Variants in PTCHD4 observed in about 807,000 individuals in gnomAD.
PTCHD4 encodes the protein patched domain-containing protein 4.
A neutral mutation model predicts 58.1 loss-of-function variants in PTCHD4; 33 were observed. That is an observed-to-expected ratio of 0.57 (90% CI 0.43 to 0.76). The LOEUF (loss-of-function observed/expected upper bound fraction) is 0.76. Among genes scored for constraint, PTCHD4 ranks in the 30% least tolerant of loss-of-function variants. The probability of loss-of-function intolerance (pLI) is 0.00; values close to 1 mark genes in which losing one functional copy is unlikely to be tolerated. For synonymous variants in PTCHD4, 478 were observed against 409.6 expected (o/e 1.17, Z -2.02); for missense variants, 1,058 against 1,027.1 (o/e 1.03, Z -0.41).
intron 3 of PTCHD4, among the ~76,000 whole-genome samples, chr6:48,022,127 A>G (rs903730976): frequency 2.0e-5 from 3 of 151,934 alleles, no homozygotes; most frequent in Non-Finnish European, 4.4e-5. Context: ...TTGTCCTACT[A>G]TGTGAAAAAT....
At chr6:47,973,261 G>T (rs1364579496) in intron 4 of PTCHD4, among the ~76,000 whole-genome samples, 4 of 152,118 alleles carry the variant, frequency 2.6e-5, no homozygotes, top group East Asian at 1.9e-4. Flanking sequence ...CCTTTAAGAA[G>T]AATTATTGTG....
At chr6:48,086,562 T>A (rs1765269754) in intron 1 of PTCHD4, among the ~76,000 whole-genome samples, 1 of 151,924 alleles carries the variant, frequency 6.6e-6, no homozygotes, top group South Asian at 2.1e-4. Flanking sequence ...GAACAGGGAT[T>A]GTGGAGGCAA....
Position 47,877,970 on chromosome 6 carries a change from A to G in PTCHD4, c.*333T>C, listed in dbSNP as rs965819273. On this transcript the variant is annotated 3_prime_UTR_variant, in exon 5 of 5. Transcript: ENST00000339488. Reference sequence around the variant, plus strand: ...GAAGGACACCTTTCCTTGCTTCTCCATCACTCCTAAGCATTTTATTTTTAA... The same window carrying G: ...GAAGGACACCTTTCCTTGCTTCTCCGTCACTCCTAAGCATTTTATTTTTAA... 4.4e-5 allele frequency: 8 copies of G among 180,050 alleles called. No individual in the cohort carries two copies. Among genetic ancestry groups the G allele is most frequent in the Non-Finnish European group, 8.0e-5 (7 of 87,076 alleles). The allele number at this position is 180,050 out of a possible 1,614,324, so 11.2% of individuals were successfully genotyped here.
chr6:47,938,351 T>G (rs1766088750), intron 4 of PTCHD4, among the ~76,000 whole-genome samples: 1 of 152,160 alleles, frequency 6.6e-6, no homozygotes, highest in Admixed American at 6.5e-5. Flanking sequence ...TTTCAGATGA[T>G]TCCAATGTTG....
chr6:47,871,860 C>T lies in PTCHD4; in HGVS notation c.*6443G>A, dbSNP rs1239114140. 6.6e-6 allele frequency among the ~76,000 whole-genome samples: 1 copy of T among 151,534 alleles called. No homozygotes were observed. Among genetic ancestry groups the T allele is most frequent in the Non-Finnish European group, 1.5e-5 (1 of 67,720 alleles). On this transcript the variant is annotated 3_prime_UTR_variant, in exon 5 of 5. Coordinates refer to ENST00000339488, the MANE Select transcript of PTCHD4 (RefSeq NM_001384253.1). ...ACAGGAAAGTATAATAAAGTTGTTGCTTAAACTACTAAAACTTTGGGATAT... is the reference window on the plus strand; with the variant it reads ...ACAGGAAAGTATAATAAAGTTGTTGTTTAAACTACTAAAACTTTGGGATAT...
chr6:47,878,645 A>C lies in PTCHD4; in HGVS notation c.2190T>G (p.Leu730=). Reference sequence around the variant, plus strand: ...GCTCAGTTGCTAATACAAATGTGAAAAGCAGTGGTGCACAGTGGTCAATGG... The same window carrying C: ...GCTCAGTTGCTAATACAAATGTGAACAGCAGTGGTGCACAGTGGTCAATGG... ...NFAIDHCAPL[L]FTFVLATEHT... is the part of the protein sequence containing the mutation. The change falls in exon 5 of 5, where the codon CTT becomes CTG. Residue 730 remains leucine, a synonymous_variant. Coordinates refer to ENST00000339488, the MANE Select transcript of PTCHD4 (RefSeq NM_001384253.1). 6.2e-7 allele frequency: 1 copy of C among 1,613,672 alleles called. No individual in the cohort carries two copies. The highest frequency in any genetic ancestry group is 8.5e-7 in the Non-Finnish European group (1 of 1,179,776).
chr6:47,901,461 T>C, intron 4 of PTCHD4: 1 of 981,752 alleles, frequency 1.0e-6, no homozygotes, highest in South Asian at 4.7e-5. Context: ...CTTCATTTTA[T>C]TTATAAATTA....
At chr6:47,913,819 T>C (rs1765145570) in intron 4 of PTCHD4, among the ~76,000 whole-genome samples, 1 of 152,126 alleles carries the variant, frequency 6.6e-6, no homozygotes, top group Non-Finnish European at 1.5e-5. Context: ...AAAATGTAGA[T>C]TCTAATGCCC....
At chr6:48,026,606 T>A (rs931257869) in intron 3 of PTCHD4, among the ~76,000 whole-genome samples, 1 of 152,032 alleles carries the variant, frequency 6.6e-6, no homozygotes, top group African/African-American at 2.4e-5. Context: ...GTTCCTTAGC[T>A]CCCTACATTC....
At chr6:47,892,725 A>T (rs1764417471) in intron 4 of PTCHD4, among the ~76,000 whole-genome samples, 1 of 152,244 alleles carries the variant, frequency 6.6e-6, no homozygotes, top group Non-Finnish European at 1.5e-5. Flanking sequence ...TCAAGAGAAA[A>T]ATCTTCAAAG....
Position 47,981,199 on chromosome 6 carries a change from T to A in PTCHD4, c.898+27435A>T, listed in dbSNP as rs150434699. Among the ~76,000 whole-genome samples, 448 of 152,242 alleles carry A rather than the reference T, an allele frequency of 2.9e-3. 3 individuals carry two copies. The highest frequency in any genetic ancestry group is 0.01 in the African/African-American group (425 of 41,568). ...CACTATGTTGATGCCTTTGTCTCCATCTTAATCATCTCTTCTCTAATTGCT... is the reference window on the plus strand; with the variant it reads ...CACTATGTTGATGCCTTTGTCTCCAACTTAATCATCTCTTCTCTAATTGCT... On this transcript the variant is annotated intron_variant, in intron 4 of 4. Coordinates refer to ENST00000339488, the MANE Select transcript of PTCHD4 (RefSeq NM_001384253.1).
chr6:47,912,717 A>T (rs1373719978), intron 4 of PTCHD4, among the ~76,000 whole-genome samples: 1 of 152,120 alleles, frequency 6.6e-6, no homozygotes, highest in East Asian at 1.9e-4. Flanking sequence ...GAGGTAAAAT[A>T]AACCCTTCAT....
At chr6:47,939,237 T>A (rs181168617) in intron 4 of PTCHD4, among the ~76,000 whole-genome samples, 26 of 152,196 alleles carry the variant, frequency 1.7e-4, no homozygotes, top group Non-Finnish European at 3.1e-4. Flanking sequence ...CAAAGTCCCA[T>A]TAAGAGTTAT....
intron 1 of PTCHD4, among the ~76,000 whole-genome samples, chr6:48,099,785 T>C (rs1207519907): frequency 6.6e-6 from 1 of 152,252 alleles, no homozygotes; most frequent in African/African-American, 2.4e-5. Context: ...GGTGTTTTGA[T>C]GCAGAAGTTA....
At position 47,947,441 on chromosome 6, in the gene PTCHD4, CT is replaced by C. The variant is rs574498997; in HGVS notation, c.898+61192del. 1.6e-4 allele frequency among the ~76,000 whole-genome samples: 24 copies of C among 151,344 alleles called. No individual in the cohort carries two copies. In the South Asian group the frequency reaches 5.0e-3, roughly 32 times the overall value. On this transcript the variant is annotated intron_variant, in intron 4 of 4. Transcript: ENST00000339488. ...CCTTCCTTTTGAGGTCATTTTTTTTCTTCTTGAATTACATTCATTAGCTCCT... is the reference window on the plus strand; with the variant it reads ...CCTTCCTTTTGAGGTCATTTTTTTTCTCTTGAATTACATTCATTAGCTCCT...
In PTCHD4 at chr6:47,872,758, C is replaced by T. The variant is rs1241473895; in HGVS notation, c.*5545G>A. Among the ~76,000 whole-genome samples the T allele has an allele frequency of 6.6e-6, 1 of 151,474 alleles. No homozygotes were observed. Among genetic ancestry groups the T allele is most frequent in the Non-Finnish European group, 1.5e-5 (1 of 67,686 alleles). ...TTATAGAGGTTTTCAGTTTAAGGTA[C>T]ACTCCCATTTAATTTTTACATCTTT... On this transcript the variant is annotated 3_prime_UTR_variant, in exon 5 of 5. Coordinates refer to ENST00000339488, the MANE Select transcript of PTCHD4 (RefSeq NM_001384253.1).
intron 4 of PTCHD4, 114 bp downstream of exon 4, chr6:48,008,520 T>C (rs1762546010): frequency 8.2e-7 from 1 of 1,224,270 alleles, no homozygotes; most frequent in East Asian, 2.6e-5. Flanking sequence ...TTTTATGTAA[T>C]GACATAGACA....
chr6:47,922,916 T>C (rs1765480633), intron 4 of PTCHD4, among the ~76,000 whole-genome samples: 1 of 152,194 alleles, frequency 6.6e-6, no homozygotes, highest in Non-Finnish European at 1.5e-5. Flanking sequence ...CATATATCTT[T>C]ATTGCTGACA....
chr6:48,009,745 T>C (rs12198961), intron 3 of PTCHD4, among the ~76,000 whole-genome samples: 31,368 of 152,188 alleles, frequency 0.21, 3,414 homozygotes, highest in South Asian at 0.32. Context: ...CACCTATTCA[T>C]ACATTACAAT....
Sources: gnomAD v4.1 joint callset for allele counts (sites outside exome capture counted in the v4.1 genomes callset) on GRCh38, gnomAD v4.1.1 for gene constraint, MANE v1.5 for transcripts, NCBI Gene and HGNC (gene_info 2026-07-23, HGNC 2026-07-21) for gene names.